Variants in AFF2 observed in about 807,000 individuals in gnomAD.
AFF2 encodes the protein ALF transcription elongation factor 2.
Under a neutral mutation model 76.9 loss-of-function variants are expected in AFF2, and 14 were observed. The ratio of observed to expected loss-of-function variants is 0.18; its 90% CI spans 0.12 to 0.28. The LOEUF (loss-of-function observed/expected upper bound fraction) is 0.28, where lower values mean the gene tolerates loss of function less well. AFF2 is among the 10% of genes least tolerant of loss of function. The pLI, the probability that AFF2 is intolerant of heterozygous loss-of-function variation, is 1.00. For missense variants in AFF2, 868 were observed against 1,001.1 expected, an observed-to-expected ratio of 0.87 and a Z score of 1.79; for synonymous variants, 398 against 366.7, an observed-to-expected ratio of 1.09 and a Z score of -0.98.
rs138731603 is a variant in AFF2, at chrX:148,571,405, C to T, written c.47+70261C>T. 8.6e-3 allele frequency among the ~76,000 whole-genome samples: 958 copies of T among 111,469 alleles called. 11 individuals carry two copies. Among genetic ancestry groups the T allele is most frequent in the African/African-American group, 0.031 (935 of 30,623 alleles). ...AGCTTGGACTGGTCTCTACTCTGCA[C>T]CACCCGCTACCCCCAACTGCAGCTC... On this transcript the variant is annotated intron_variant, in intron 1 of 20. Transcript: ENST00000370460.
At chrX:148,630,917 T>A (rs1318710298) in intron 1 of AFF2, among the ~76,000 whole-genome samples, 1 of 112,286 alleles carries the variant, frequency 8.9e-6, no homozygotes, top group African/African-American at 3.2e-5. Context: ...CTTCTGTTTC[T>A]CTAAGGAAAT....
At chrX:148,765,486 A>G (rs182670105) in intron 3 of AFF2, among the ~76,000 whole-genome samples, 1 of 111,615 alleles carries the variant, frequency 9.0e-6, no homozygotes, top group African/African-American at 3.2e-5. Flanking sequence ...AATGCATTTC[A>G]AAGCTCCTTA....
chrX:148,765,524 C>T (rs934949585), intron 3 of AFF2, among the ~76,000 whole-genome samples: 3 of 111,144 alleles, frequency 2.7e-5, no homozygotes, highest in Non-Finnish European at 5.7e-5. Flanking sequence ...AAGAGTTTTT[C>T]TCTGCATAAA....
At chrX:148,842,017 A>G (rs1187451856) in intron 5 of AFF2, among the ~76,000 whole-genome samples, 3 of 112,376 alleles carry the variant, frequency 2.7e-5, no homozygotes, top group Non-Finnish European at 3.8e-5. Context: ...CTTTTTATAA[A>G]AGATAATGCT....
chrX:148,762,171 A>G (rs1557267348), intron 3 of AFF2, among the ~76,000 whole-genome samples: 2 of 109,605 alleles, frequency 1.8e-5, no homozygotes, highest in African/African-American at 6.7e-5. Context: ...ACTGTACCCA[A>G]TGTGTAGTCT....
intron 1 of AFF2, among the ~76,000 whole-genome samples, chrX:148,504,481 T>A (rs1330772044): frequency 8.9e-6 from 1 of 112,881 alleles, no homozygotes; most frequent in Non-Finnish European, 1.9e-5. Flanking sequence ...TTGTTTGTAG[T>A]TTTTATGTGA....
intron 7 of AFF2, among the ~76,000 whole-genome samples, chrX:148,855,760 T>C (rs990962232): frequency 8.9e-6 from 1 of 111,839 alleles, no homozygotes; most frequent in Non-Finnish European, 1.9e-5. Context: ...CTTTTAGCCA[T>C]GTGATCTTGG....
intron 1 of AFF2, among the ~76,000 whole-genome samples, chrX:148,571,080 C>T (rs2053224025): frequency 9.0e-6 from 1 of 111,534 alleles, no homozygotes; most frequent in Admixed American, 9.6e-5. Context: ...GGAAACAATT[C>T]AATTCATAAC....
intron 3 of AFF2, among the ~76,000 whole-genome samples, chrX:148,777,015 C>G (rs1557268634): frequency 8.9e-6 from 1 of 111,957 alleles, no homozygotes; most frequent in African/African-American, 3.3e-5. Context: ...TTTAATCCAT[C>G]TTGAGTTGAT....
intron 3 of AFF2, among the ~76,000 whole-genome samples, chrX:148,681,180 A>G (rs2054542672): frequency 9.0e-6 from 1 of 111,705 alleles, no homozygotes; most frequent in African/African-American, 3.3e-5. Context: ...AAACAAGGAT[A>G]ATAATACTTA....
chrX:148,780,223 T>C (rs1219984629), intron 3 of AFF2, among the ~76,000 whole-genome samples: 2 of 111,754 alleles, frequency 1.8e-5, no homozygotes, highest in African/African-American at 6.5e-5. Context: ...TGATTATGTA[T>C]CTTGGGGTTG....
At chrX:148,895,835 C>A (rs2124180039) in intron 8 of AFF2, among the ~76,000 whole-genome samples, 1 of 110,894 alleles carries the variant, frequency 9.0e-6, no homozygotes, top group Non-Finnish European at 1.9e-5. Flanking sequence ...TTCTTCTCCC[C>A]TCTGTATCTT....
At chrX:148,922,232 C>T (rs1469938235) in intron 9 of AFF2, among the ~76,000 whole-genome samples, 4 of 111,843 alleles carry the variant, frequency 3.6e-5, no homozygotes, top group African/African-American at 1.3e-4. Context: ...AGAAGTGATT[C>T]TCTTCCAAAC....
intron 9 of AFF2, among the ~76,000 whole-genome samples, chrX:148,933,389 T>C (rs2071736078): frequency 9.0e-6 from 1 of 111,590 alleles, no homozygotes; most frequent in South Asian, 3.8e-4. Flanking sequence ...CGAGAGAATT[T>C]CGAGCAGAAG....
intron 1 of AFF2, among the ~76,000 whole-genome samples, chrX:148,504,115 G>GA (rs2052381897): frequency 9.0e-6 from 1 of 111,393 alleles, no homozygotes. Context: ...TGAGGTGACT[G>GA]AAGATCAGGT....
At chrX:148,620,310 G>A (rs1455893034) in intron 1 of AFF2, among the ~76,000 whole-genome samples, 3 of 111,102 alleles carry the variant, frequency 2.7e-5, no homozygotes, top group Admixed American at 9.6e-5. Flanking sequence ...AGCTGTGTTT[G>A]TAATAAAGAT....
chrX:148,964,407 G>C (rs1480574685), intron 13 of AFF2, among the ~76,000 whole-genome samples: 1 of 111,582 alleles, frequency 9.0e-6, no homozygotes, highest in Middle Eastern at 4.6e-3. Context: ...AGATGAGTAG[G>C]GTTTAAAAAT....
At chrX:148,863,250 G>A (rs1032276815) in intron 7 of AFF2, among the ~76,000 whole-genome samples, 1 of 111,775 alleles carries the variant, frequency 8.9e-6, no homozygotes, top group African/African-American at 3.2e-5. Context: ...ACTGGGTAGG[G>A]TTAAATTTAG....
At chrX:148,635,847 C>T (rs1328956943) in intron 1 of AFF2, among the ~76,000 whole-genome samples, 2 of 109,040 alleles carry the variant, frequency 1.8e-5, no homozygotes, top group African/African-American at 3.4e-5. Flanking sequence ...CATTGAGGAG[C>T]GGGGGGCAGA....
Sources: allele counts gnomAD v4.1 joint callset (sites outside exome capture counted in the v4.1 genomes callset), GRCh38; gene constraint gnomAD v4.1.1; transcripts MANE v1.5; gene names NCBI Gene and HGNC (gene_info 2026-07-23, HGNC 2026-07-21).